Variants in AKT3 observed in about 807,000 individuals in gnomAD.
AKT3 encodes the protein RAC-gamma serine/threonine-protein kinase.
AKT3 carries 15 observed loss-of-function variants against 65.3 expected under a neutral mutation model. The ratio of observed to expected loss-of-function variants is 0.23; its 90% CI spans 0.15 to 0.35. The LOEUF is 0.35. AKT3 is among the 10% of genes least tolerant of loss of function. AKT3 has a pLI of 1.00. For missense variants in AKT3, 243 were observed against 576.5 expected, an observed-to-expected ratio of 0.42 and a Z score of 5.92; for synonymous variants, 206 against 183.8, an observed-to-expected ratio of 1.12 and a Z score of -0.98.
chr1:243,579,097 C>T (rs1318227755), intron 8 of AKT3, among the ~76,000 whole-genome samples: 1 of 152,092 alleles, frequency 6.6e-6, no homozygotes, highest in African/African-American at 2.4e-5. Flanking sequence ...CCACTTGGGT[C>T]AAGGGAGAAA....
At chr1:243,610,755 G>A (rs978335853) in intron 8 of AKT3, among the ~76,000 whole-genome samples, 2 of 152,074 alleles carry the variant, frequency 1.3e-5, no homozygotes, top group East Asian at 1.9e-4. Flanking sequence ...AGAGATACTC[G>A]ATCAATAGAC....
chr1:243,758,602 C>T (rs1261159539), intron 2 of AKT3, among the ~76,000 whole-genome samples: 1 of 152,096 alleles, frequency 6.6e-6, no homozygotes, highest in Non-Finnish European at 1.5e-5. Context: ...TTCCATAGAC[C>T]TTGGAAGAGG....
chr1:243,763,111 A>C (rs1689595168), intron 2 of AKT3, among the ~76,000 whole-genome samples: 3 of 152,110 alleles, frequency 2.0e-5, no homozygotes, highest in Non-Finnish European at 4.4e-5. Context: ...AATAAACTAA[A>C]ACCAATTTCT....
chr1:243,527,924 CACACACACACACAGAGAGAG>C (rs1671258129), intron 12 of AKT3, among the ~76,000 whole-genome samples: 1 of 71,376 alleles, frequency 1.4e-5, no homozygotes, highest in African/African-American at 5.3e-5. Flanking sequence ...CACACACACA[CACACACACACACAGAGAGAG>C]AGAGAGAGAG....
chr1:243,734,260 T>G lies in AKT3; in HGVS notation c.47-38544A>C, dbSNP rs544985179. 2.8e-3 allele frequency among the ~76,000 whole-genome samples: 429 copies of G among 152,264 alleles called. 4 individuals carry two copies. Among genetic ancestry groups the G allele is most frequent in the Non-Finnish European group, 3.8e-3 (261 of 68,006 alleles). On this transcript the variant is annotated intron_variant, in intron 2 of 13. Transcript: ENST00000673466. ...CACAAATCAAAGTTCACAAATAAAC[T>G]GAAACACTGAAGTATTGTTTAAAAA...
At chr1:243,642,402 T>C (rs1417357994) in intron 5 of AKT3, among the ~76,000 whole-genome samples, 40 of 152,200 alleles carry the variant, frequency 2.6e-4, no homozygotes, top group African/African-American at 7.5e-4. Flanking sequence ...CTCTGCCTCC[T>C]GAGATCACGA....
At chr1:243,701,106 CG>C (rs1234509655) in intron 2 of AKT3, among the ~76,000 whole-genome samples, 2 of 152,098 alleles carry the variant, frequency 1.3e-5, no homozygotes, top group East Asian at 1.9e-4. Context: ...AAGCTTAAGT[CG>C]TAAGTGTAAA....
At chr1:243,826,703 T>C (rs749214113) in intron 2 of AKT3, among the ~76,000 whole-genome samples, 6 of 152,190 alleles carry the variant, frequency 3.9e-5, no homozygotes, top group Non-Finnish European at 8.8e-5. Flanking sequence ...CCTGATCTGC[T>C]AACTATAACC....
At chr1:243,812,847 T>C (rs1693253360) in intron 2 of AKT3, among the ~76,000 whole-genome samples, 1 of 152,040 alleles carries the variant, frequency 6.6e-6, no homozygotes, top group Non-Finnish European at 1.5e-5. Context: ...GCCATAAAAA[T>C]GATGAGTTCA....
intron 8 of AKT3, among the ~76,000 whole-genome samples, chr1:243,604,261 C>T (rs959093109): frequency 2.0e-5 from 3 of 152,110 alleles, no homozygotes; most frequent in Admixed American, 2.0e-4. Flanking sequence ...AAGTATTTTC[C>T]TTGCTTCCAC....
At chr1:243,573,949 A>G (rs1280542884) in intron 8 of AKT3, among the ~76,000 whole-genome samples, 1 of 152,188 alleles carries the variant, frequency 6.6e-6, no homozygotes, top group African/African-American at 2.4e-5. Flanking sequence ...TGAATTGACT[A>G]TTAATCTTTG....
At chr1:243,758,795 G>A (rs1284790705) in intron 2 of AKT3, among the ~76,000 whole-genome samples, 1 of 152,214 alleles carries the variant, frequency 6.6e-6, no homozygotes, top group Non-Finnish European at 1.5e-5. Flanking sequence ...AGGAGGCGGA[G>A]CTTAGGTGGT....
chr1:243,833,022 G>A (rs1433600978), intron 2 of AKT3, among the ~76,000 whole-genome samples: 2 of 152,130 alleles, frequency 1.3e-5, no homozygotes. Flanking sequence ...CACTTTGGGA[G>A]GCTGAGATGG....
chr1:243,697,263 C>T (rs1572188183), intron 2 of AKT3, among the ~76,000 whole-genome samples: 1 of 151,730 alleles, frequency 6.6e-6, no homozygotes, highest in Non-Finnish European at 1.5e-5. Flanking sequence ...TCCATTTTTA[C>T]AAATCTATTT....
chr1:243,706,629 T>C (rs748093528), intron 2 of AKT3, among the ~76,000 whole-genome samples: 34 of 152,148 alleles, frequency 2.2e-4, no homozygotes, highest in Non-Finnish European at 3.5e-4. Flanking sequence ...CCTTCATAAC[T>C]CCTCTCTTCC....
At chr1:243,579,734 T>C (rs906731300) in intron 8 of AKT3, among the ~76,000 whole-genome samples, 2 of 152,164 alleles carry the variant, frequency 1.3e-5, no homozygotes, top group Non-Finnish European at 2.9e-5. Flanking sequence ...ATGGAATAGG[T>C]ACACAAATGA....
intron 2 of AKT3, among the ~76,000 whole-genome samples, chr1:243,802,089 G>A (rs9428584): frequency 1.3e-5 from 2 of 151,962 alleles, no homozygotes; most frequent in Non-Finnish European, 2.9e-5. Flanking sequence ...AATAATACCC[G>A]GCTTGACTGT....
At chr1:243,632,488 C>T (rs926247481) in intron 6 of AKT3, among the ~76,000 whole-genome samples, 1 of 152,174 alleles carries the variant, frequency 6.6e-6, no homozygotes, top group African/African-American at 2.4e-5. Flanking sequence ...TGTTGCTTTA[C>T]TGATAAGAGA....
chr1:243,801,224 TTGAA>T (rs548093831), intron 2 of AKT3, among the ~76,000 whole-genome samples: 16 of 152,334 alleles, frequency 1.1e-4, no homozygotes, highest in East Asian at 1.9e-4. Context: ...TAAACATTTC[TTGAA>T]TGAATGAATG....
Sources: gnomAD v4.1 joint callset for allele counts (sites outside exome capture counted in the v4.1 genomes callset) on GRCh38, gnomAD v4.1.1 for gene constraint, MANE v1.5 for transcripts, NCBI Gene and HGNC (gene_info 2026-07-23, HGNC 2026-07-21) for gene names.